NVL: variants seen among roughly 807,000 people sequenced by gnomAD.
NVL encodes the protein nuclear valosin-containing protein-like.
In NVL, 84 loss-of-function variants were observed where a neutral mutation model predicts 110.2. The observed-to-expected ratio is 0.76, with a 90% confidence interval of 0.64 to 0.91. The LOEUF (loss-of-function observed/expected upper bound fraction) is 0.91, where lower values mean the gene tolerates loss of function less well. Ranked by LOEUF, NVL falls within the 40% of genes least tolerant of loss-of-function variation. NVL has a pLI of 0.00. For missense variants in NVL, 882 were observed against 1,035.9 expected (o/e 0.85, Z 2.04); for synonymous variants, 354 against 361.1 (o/e 0.98, Z 0.22).
chr1:224,239,726 A>G (rs996015599), intron 19 of NVL, among the ~76,000 whole-genome samples: 2 of 152,160 alleles, frequency 1.3e-5, no homozygotes, highest in Admixed American at 6.6e-5. Flanking sequence ...GCATCCTCAG[A>G]GTGCATTTCT....
chr1:224,245,121 T>C (rs566772801), intron 19 of NVL, among the ~76,000 whole-genome samples: 2 of 152,298 alleles, frequency 1.3e-5, no homozygotes, highest in African/African-American at 4.8e-5. Context: ...CAGATGTTAA[T>C]AGGAGAAAGA....
At chr1:224,270,089 G>GAA (rs113966505) in intron 17 of NVL, among the ~76,000 whole-genome samples, 7 of 142,530 alleles carry the variant, frequency 4.9e-5, no homozygotes, top group Admixed American at 7.1e-5. Flanking sequence ...GATTTCTCTA[G>GAA]AAAAAAAAAA....
At chr1:224,231,391 G>C in intron 21 of NVL, 95 bp from the exon 22 acceptor site, 1 of 926,376 alleles carries the variant, frequency 1.1e-6, no homozygotes, top group Non-Finnish European at 1.7e-6. Context: ...ACTTTCAAGG[G>C]GTCCACTAAA....
chr1:224,247,455 G>A (rs566407398), intron 19 of NVL, among the ~76,000 whole-genome samples: 45 of 151,910 alleles, frequency 3.0e-4, no homozygotes, highest in African/African-American at 1.1e-3. Context: ...TGGATCACGA[G>A]GTCAGGAGTT....
intron 18 of NVL, among the ~76,000 whole-genome samples, chr1:224,252,087 C>A (rs1403061485): frequency 2.0e-5 from 3 of 152,158 alleles, no homozygotes; most frequent in Non-Finnish European, 2.9e-5. Context: ...AACTCCCACG[C>A]CCTGTTTACA....
chr1:224,275,716 G>A (rs183381977), intron 16 of NVL, among the ~76,000 whole-genome samples: 52 of 152,256 alleles, frequency 3.4e-4, no homozygotes, highest in Non-Finnish European at 6.0e-4. Context: ...GAAGACTTAA[G>A]TGAAACGTAA....
intron 18 of NVL, among the ~76,000 whole-genome samples, chr1:224,267,508 C>T (rs563507950): frequency 6.6e-5 from 10 of 151,784 alleles, no homozygotes; most frequent in East Asian, 3.9e-4. Flanking sequence ...GCCAACATGG[C>T]GAAACCCCAT....
chr1:224,281,060 C>T, intron 16 of NVL, 63 bp downstream of exon 16: 1 of 1,383,324 alleles, frequency 7.2e-7, no homozygotes. Flanking sequence ...ACATTTTACC[C>T]CGTAATTTGC....
intron 9 of NVL, among the ~76,000 whole-genome samples, chr1:224,301,145 T>TCAAC (rs1374324166): frequency 1.3e-5 from 2 of 152,164 alleles, no homozygotes; most frequent in African/African-American, 4.8e-5. Context: ...CAAACACATT[T>TCAAC]AAGTGGATAC....
At position 224,294,394 on chromosome 1, in the gene NVL, C is replaced by T. The variant is rs768081420; in HGVS notation, c.1198G>A (p.Ala400Thr). 1 of 1,614,094 alleles carries T rather than the reference C, an allele frequency of 6.2e-7. No individual in the cohort carries two copies. The highest frequency in any genetic ancestry group is 1.1e-5 in the South Asian group (1 of 91,072). Residue 400 changes from alanine to threonine, a missense_variant, in exon 12 of 23, where the codon GCT (alanine) becomes ACT (threonine). Physicochemically the swap from Ala to Thr is moderately conservative, Grantham distance 58. Transcript: ENST00000281701. ...TCMDDLNNVA[A>T]TARVLVIGAT... ...CCAATAACTAGGACCCGGGCTGTAGCAGCCACATTATTCAGATCTAGTAAG... is the reference window on the plus strand; with the variant it reads ...CCAATAACTAGGACCCGGGCTGTAGTAGCCACATTATTCAGATCTAGTAAG...
intron 11 of NVL, 109 bp from the exon 12 acceptor site, chr1:224,294,520 C>G (rs1342912612): frequency 2.8e-6 from 3 of 1,067,010 alleles, no homozygotes; most frequent in Non-Finnish European, 4.1e-6. Flanking sequence ...ATTTTGACAG[C>G]AACATACATA....
intron 12 of NVL, among the ~76,000 whole-genome samples, chr1:224,290,525 G>T (rs2102636336): frequency 6.6e-6 from 1 of 151,886 alleles, no homozygotes; most frequent in South Asian, 2.1e-4. Flanking sequence ...GGCATGGCCA[G>T]GCACAGTGGC....
At position 224,328,225 on chromosome 1, in the gene NVL, C is replaced by T. The variant is rs372835567; in HGVS notation, c.58-1761G>A. 1.6e-4 allele frequency among the ~76,000 whole-genome samples: 25 copies of T among 152,190 alleles called. 1 individual carries two copies. The South Asian group carries it at 2.7e-3, about 16-fold the overall frequency. On this transcript the variant is annotated intron_variant, in intron 1 of 22. Coordinates refer to ENST00000281701, the MANE Select transcript of NVL (RefSeq NM_002533.4). ...TCCTAATGCTATCCCTCCCCTAGCC[C>T]GATTTTTCCCTTTAAAAGGATGTCT...
In NVL at chr1:224,254,390, A is replaced by ATTT. The variant is rs36065511; in HGVS notation, c.2183-4075_2183-4073dup. On this transcript the variant is annotated intron_variant, in intron 18 of 22. Coordinates refer to ENST00000281701, the MANE Select transcript of NVL (RefSeq NM_002533.4). ...ACAGGCATGAGCCACAGTGCCTGGCATTTTTTTTTTTTTTTTTTTGAGATG... is the reference window on the plus strand; with the variant it reads ...ACAGGCATGAGCCACAGTGCCTGGCATTTTTTTTTTTTTTTTTTTTTTGAGATG... 4.2e-3 allele frequency among the ~76,000 whole-genome samples: 353 copies of ATTT among 84,266 alleles called. 6 individuals carry two copies. The highest frequency in any genetic ancestry group is 0.014 in the African/African-American group (299 of 21,868). The allele number at this position is 84,266 out of a possible 152,430, so 55.3% of individuals were successfully genotyped here.
intron 17 of NVL, among the ~76,000 whole-genome samples, chr1:224,268,475 A>G (rs1416885937): frequency 6.6e-6 from 1 of 152,062 alleles, no homozygotes; most frequent in East Asian, 1.9e-4. Context: ...GTCACAATAC[A>G]CTTCCCTTGG....
At chr1:224,308,953 C>T (rs541231749) in intron 5 of NVL, among the ~76,000 whole-genome samples, 4 of 146,150 alleles carry the variant, frequency 2.7e-5, no homozygotes, top group Non-Finnish European at 3.0e-5. Context: ...CCCAGCTACT[C>T]GGGAGGCTGA....
intron 10 of NVL, among the ~76,000 whole-genome samples, chr1:224,299,019 A>C (rs1464570432): frequency 6.6e-6 from 1 of 152,212 alleles, no homozygotes; most frequent in African/African-American, 2.4e-5. Flanking sequence ...AATCTAAATC[A>C]TTTTACTCAA....
rs1464861745 is a variant in NVL, at chr1:224,308,087, C to T, written c.519G>A (p.Trp173Ter). 7 of 1,611,046 alleles carry T rather than the reference C, an allele frequency of 4.3e-6. No homozygotes were observed. In the East Asian group the frequency reaches 1.1e-4, roughly 26 times the overall value. ...TTACACTTGGGGTTTTGTCAATAAA[C>T]CATCCTCCTTCAGAATCTTTGGCAG... ...KTPAKDSEGG[W>*]FIDKTPSVKK... Residue 173 changes from tryptophan (W) to a stop codon, truncating the protein, a stop_gained, in exon 6 of 23, where the codon TGG becomes TGA. Coordinates refer to ENST00000281701, the MANE Select transcript of NVL (RefSeq NM_002533.4). LOFTEE classifies it high-confidence loss of function.
At chr1:224,247,204 T>C (rs1661945977) in intron 19 of NVL, among the ~76,000 whole-genome samples, 1 of 152,056 alleles carries the variant, frequency 6.6e-6, no homozygotes, top group Non-Finnish European at 1.5e-5. Flanking sequence ...TTGAGTCGGA[T>C]AATACTTTTT....
Sources: allele counts gnomAD v4.1 joint callset (sites outside exome capture counted in the v4.1 genomes callset), GRCh38; gene constraint gnomAD v4.1.1; transcripts MANE v1.5; gene names NCBI Gene and HGNC (gene_info 2026-07-23, HGNC 2026-07-21).